The following NEK7 variants were observed in gnomAD, a reference collection of about 807,000 sequenced individuals.
The protein encoded by NEK7 is NIMA related kinase 7.
Under a neutral mutation model 44.6 loss-of-function variants are expected in NEK7, and 18 were observed. The ratio of observed to expected loss-of-function variants is 0.40; its 90% CI spans 0.28 to 0.60. The LOEUF (loss-of-function observed/expected upper bound fraction) is 0.60. NEK7 is among the 20% of genes least tolerant of loss of function. The pLI is 0.38. For synonymous variants in NEK7, 130 were observed against 121.1 expected (o/e 1.07, Z -0.48); for missense variants, 256 against 366.5 (o/e 0.70, Z 2.46).
intron 5 of NEK7, 138 bp downstream of exon 5, chr1:198,264,373 T>C (rs201766634): frequency 6.7e-6 from 3 of 445,912 alleles, no homozygotes; most frequent in South Asian, 3.7e-5. Flanking sequence ...ATGTAACAAA[T>C]AGTAGATGGT....
intron 1 of NEK7, among the ~76,000 whole-genome samples, chr1:198,213,527 A>G (rs910174763): frequency 6.6e-6 from 1 of 152,092 alleles, no homozygotes; most frequent in Non-Finnish European, 1.5e-5. Context: ...GGGTTACTCT[A>G]TCCTCAGAGG....
intron 9 of NEK7, among the ~76,000 whole-genome samples, chr1:198,302,393 G>A (rs1654915608): frequency 1.3e-5 from 2 of 150,984 alleles, no homozygotes; most frequent in Admixed American, 6.6e-5. Context: ...TGGAAGGCAG[G>A]AGGGGAGGGT....
chr1:198,175,962 C>T (rs1328330381), intron 1 of NEK7, among the ~76,000 whole-genome samples: 1 of 152,198 alleles, frequency 6.6e-6, no homozygotes, highest in African/African-American at 2.4e-5. Flanking sequence ...AGACCTTGCT[C>T]TGTCTTCTCA....
rs576770647 is a variant in NEK7 at position 198,212,141 on chromosome 1, C to T, written c.-28-20412C>T. ...GACCTCACGGAAGTCAGCCAGCTAACTCAGGCTCCGGTCACAGGTTGAGAG... is the reference window on the plus strand; with the variant it reads ...GACCTCACGGAAGTCAGCCAGCTAATTCAGGCTCCGGTCACAGGTTGAGAG... On this transcript the variant is annotated intron_variant, in intron 1 of 9. Transcript: ENST00000367385. 6.6e-5 allele frequency among the ~76,000 whole-genome samples: 10 copies of T among 152,356 alleles called. No homozygotes were observed. In the South Asian group the frequency reaches 2.1e-3, roughly 32 times the overall value.
At position 198,229,882 on chromosome 1, in the gene NEK7, C is replaced by T. The variant is rs137894818; in HGVS notation, c.-28-2671C>T. 5.1e-3 allele frequency among the ~76,000 whole-genome samples: 771 copies of T among 152,010 alleles called. 10 individuals carry two copies. Among genetic ancestry groups the T allele is most frequent in the African/African-American group, 0.018 (739 of 41,482 alleles). On this transcript the variant is annotated intron_variant, in intron 1 of 9. Coordinates refer to ENST00000367385, the MANE Select transcript of NEK7 (RefSeq NM_133494.3). ...TCTTTGAGTTTTATGTTTCTTTTTT[C>T]ATTGTTTTATTTGCTTAGACATTGT...
At chr1:198,295,811 ATT>A (rs2103012553) in intron 8 of NEK7, among the ~76,000 whole-genome samples, 1 of 62,198 alleles carries the variant, frequency 1.6e-5, no homozygotes, top group Admixed American at 2.6e-4. Context: ...AACCACTATT[ATT>A]ATTATTATTA....
intron 9 of NEK7, among the ~76,000 whole-genome samples, chr1:198,304,933 A>T (rs1324453346): frequency 6.6e-6 from 1 of 152,106 alleles, no homozygotes; most frequent in East Asian, 1.9e-4. Context: ...AAGCATCTGA[A>T]TTAAACAGTT....
intron 5 of NEK7, among the ~76,000 whole-genome samples, chr1:198,269,704 G>A (rs969450079): frequency 1.3e-5 from 2 of 152,038 alleles, no homozygotes; most frequent in African/African-American, 4.8e-5. Context: ...GGATAGCATT[G>A]CATCAAAGAT....
chr1:198,319,120 C>T (rs1435183122), intron 9 of NEK7, among the ~76,000 whole-genome samples: 3 of 152,140 alleles, frequency 2.0e-5, no homozygotes, highest in African/African-American at 7.2e-5. Context: ...TCAGTGACTG[C>T]TATCTTCTGA....
intron 1 of NEK7, among the ~76,000 whole-genome samples, chr1:198,226,082 T>A (rs1246618550): frequency 3.9e-5 from 6 of 152,022 alleles, no homozygotes; most frequent in Non-Finnish European, 8.8e-5. Context: ...GAACTTACAA[T>A]CTGGAACATT....
chr1:198,282,666 T>C (rs1205874683), intron 7 of NEK7, among the ~76,000 whole-genome samples: 19 of 152,104 alleles, frequency 1.2e-4, no homozygotes, highest in Non-Finnish European at 2.9e-5. Context: ...TGTAATGAAC[T>C]GTATAAATGT....
intron 9 of NEK7, among the ~76,000 whole-genome samples, chr1:198,310,317 T>G (rs1655139877): frequency 6.6e-6 from 1 of 152,118 alleles, no homozygotes; most frequent in South Asian, 2.1e-4. Flanking sequence ...TAGATTTGTT[T>G]GAGTTCATTG....
At chr1:198,277,486 TTTTA>T (rs1393150263) in intron 5 of NEK7, among the ~76,000 whole-genome samples, 14 of 151,992 alleles carry the variant, frequency 9.2e-5, no homozygotes, top group South Asian at 4.1e-4. Flanking sequence ...CATAAATTCC[TTTTA>T]TTTGTTTAAT....
chr1:198,201,170 C>T (rs528745521), intron 1 of NEK7, among the ~76,000 whole-genome samples: 37 of 151,574 alleles, frequency 2.4e-4, no homozygotes, highest in Non-Finnish European at 3.5e-4. Flanking sequence ...GTTGTGTTGA[C>T]GAGGGGATAA....
intron 3 of NEK7, among the ~76,000 whole-genome samples, chr1:198,258,246 C>G (rs571001296): frequency 3.3e-5 from 5 of 152,264 alleles, no homozygotes; most frequent in Admixed American, 2.0e-4. Context: ...CAAGACCATC[C>G]TGGCCAACAT....
intron 1 of NEK7, among the ~76,000 whole-genome samples, chr1:198,205,912 C>T (rs1304308258): frequency 6.6e-6 from 1 of 151,758 alleles, no homozygotes; most frequent in East Asian, 1.9e-4. Flanking sequence ...AGGAAAGTAC[C>T]ACTTCTCTTC....
chr1:198,171,844 G>A (rs1057211048), intron 1 of NEK7, among the ~76,000 whole-genome samples: 52 of 152,082 alleles, frequency 3.4e-4, no homozygotes, highest in African/African-American at 1.2e-3. Flanking sequence ...CCCACATGCC[G>A]TAAGACTCAC....
At chr1:198,241,170 G>A (rs1666674487) in intron 2 of NEK7, among the ~76,000 whole-genome samples, 1 of 152,200 alleles carries the variant, frequency 6.6e-6, no homozygotes, top group African/African-American at 2.4e-5. Context: ...TTAGAGGTCA[G>A]TGGTATTTAC....
intron 2 of NEK7, among the ~76,000 whole-genome samples, 166 bp from the exon 3 acceptor site, chr1:198,252,874 G>A (rs1236704184): frequency 1.3e-5 from 2 of 151,912 alleles, no homozygotes. Flanking sequence ...TATCGTCAGT[G>A]TGTAGGACAG....
Sources: allele counts gnomAD v4.1 joint callset (sites outside exome capture counted in the v4.1 genomes callset), GRCh38; gene constraint gnomAD v4.1.1; transcripts MANE v1.5; gene names NCBI Gene and HGNC (gene_info 2026-07-23, HGNC 2026-07-21).